Variants in TMEM114 observed in about 807,000 individuals in gnomAD.
The protein encoded by TMEM114 is transmembrane protein 114.
In TMEM114, 6 loss-of-function variants were observed where a neutral mutation model predicts 6.2. The ratio of observed to expected loss-of-function variants is 0.97; its 90% CI spans 0.53 to 1.91. TMEM114 has a LOEUF of 1.91. Among genes scored for constraint, TMEM114 ranks in the 40% most tolerant of loss-of-function variants. The pLI is 0.01. For synonymous variants in TMEM114, 104 were observed against 73.0 expected, an observed-to-expected ratio of 1.42 and a Z score of -2.16; for missense variants, 218 against 158.3, an observed-to-expected ratio of 1.38 and a Z score of -2.02.
chr16:8,533,424 G>A (rs369971620), downstream of TMEM114, among the ~76,000 whole-genome samples: 2 of 152,210 alleles, frequency 1.3e-5, no homozygotes, highest in African/African-American at 4.8e-5. Context: ...CAAGGCCTGT[G>A]TGGATGGAGT....
intron 2 of TMEM114, among the ~76,000 whole-genome samples, chr16:8,559,841 A>G (rs1309285561): frequency 1.3e-5 from 2 of 152,134 alleles, no homozygotes; most frequent in Admixed American, 6.5e-5. Context: ...GCACCAGGAC[A>G]AGGACTGAGA....
intron 2 of TMEM114, among the ~76,000 whole-genome samples, chr16:8,586,017 G>A (rs557929568): frequency 6.6e-6 from 1 of 152,330 alleles, no homozygotes; most frequent in African/African-American, 2.4e-5. Context: ...AACAAGCATG[G>A]TTGTTGCACT....
intron 2 of TMEM114, among the ~76,000 whole-genome samples, chr16:8,554,708 TAAG>T (rs1363706818): frequency 1.3e-5 from 2 of 152,120 alleles, no homozygotes; most frequent in Non-Finnish European, 2.9e-5. Context: ...ATGAGTCAAA[TAAG>T]AATCCTAAAA....
At position 8,562,526 on chromosome 16, in the gene TMEM114, T is replaced by TGAGTGAATGAGTGAATGAGTGAGTGAGTG. The variant is rs1465142445; in HGVS notation, n.213-24701_213-24700insCACTCACTCACTCATTCACTCATTCACTC. Among the ~76,000 whole-genome samples, 507 of 127,250 alleles carry TGAGTGAATGAGTGAATGAGTGAGTGAGTG rather than the reference T, an allele frequency of 4.0e-3. 6 individuals carry two copies. The highest frequency in any genetic ancestry group is 6.9e-3 in the Non-Finnish European group (401 of 58,288). The allele number at this position is 127,250 out of a possible 152,430, so 83.5% of individuals were successfully genotyped here. On this transcript the variant is annotated intron_variant and non_coding_transcript_variant, in intron 2 of 2. Coordinates refer to the TMEM114 transcript ENST00000623677. ...TAAATGAGTGACTGAATGAGTGAGT[T>TGAGTGAATGAGTGAATGAGTGAGTGAGTG]AATGAGTGAGTGAGTGAATGAGTGA...
rs929638188 is a variant in TMEM114, at chr16:8,549,060, C to A, written n.213-11234G>T. 3.3e-5 allele frequency among the ~76,000 whole-genome samples: 5 copies of A among 151,772 alleles called. No homozygotes were observed. In the South Asian group the frequency reaches 1.0e-3, roughly 32 times the overall value. ...AGCCAGACATGGCAGCATGCGCCTG[C>A]AGTCCCAGCTGCTGGGGAGGCTGAG... On this transcript the variant is annotated intron_variant and non_coding_transcript_variant, in intron 2 of 2. Coordinates refer to the TMEM114 transcript ENST00000623677.
At chr16:8,555,615 G>A (rs1456652287) in intron 2 of TMEM114, among the ~76,000 whole-genome samples, 2 of 152,154 alleles carry the variant, frequency 1.3e-5, no homozygotes, top group African/African-American at 2.4e-5. Flanking sequence ...CTGGTCCGGG[G>A]TCCAGTTATA....
intron 3 of TMEM114, 96 bp from the exon 4 acceptor site, chr16:8,570,101 C>G (rs1596308768): frequency 6.9e-7 from 1 of 1,444,630 alleles, no homozygotes; most frequent in East Asian, 2.5e-5. Flanking sequence ...TGCTCAGCGT[C>G]CAGCGTCCTC....
chr16:8,528,414 G>A, the TMEM114 span, among the ~76,000 whole-genome samples: 14 of 152,238 alleles, frequency 9.2e-5, no homozygotes, highest in Admixed American at 7.2e-4. Context: ...ACACTCTGCT[G>A]CCCCTTCTGA....
intron 2 of TMEM114, among the ~76,000 whole-genome samples, chr16:8,558,792 G>A (rs927694962): frequency 6.6e-6 from 1 of 151,752 alleles, no homozygotes; most frequent in Non-Finnish European, 1.5e-5. Context: ...CCAGGCTGGA[G>A]TGCAATGGCA....
chr16:8,558,670 A>G (rs562401696), intron 2 of TMEM114, among the ~76,000 whole-genome samples: 185 of 152,040 alleles, frequency 1.2e-3, no homozygotes, highest in African/African-American at 4.3e-3. Context: ...ACCCACCCTG[A>G]GCATTTCACC....
intron 2 of TMEM114, among the ~76,000 whole-genome samples, chr16:8,573,336 CCT>C (rs1365169048): frequency 6.6e-6 from 1 of 152,198 alleles, no homozygotes; most frequent in Non-Finnish European, 1.5e-5. Context: ...TCTCTTGCCT[CCT>C]CTCTAGTAGG....
chr16:8,536,178 T>C (rs1291157496), downstream of TMEM114, among the ~76,000 whole-genome samples: 1 of 148,846 alleles, frequency 6.7e-6, no homozygotes, highest in Non-Finnish European at 1.5e-5. Context: ...TGAGCCGAGA[T>C]AGCACCACTG....
intron 2 of TMEM114, among the ~76,000 whole-genome samples, chr16:8,580,696 G>A (rs948258048): frequency 5.9e-5 from 9 of 151,482 alleles, no homozygotes; most frequent in African/African-American, 2.2e-4. Flanking sequence ...TACTTTTTTT[G>A]TTGTTTGTTT....
intron 2 of TMEM114, among the ~76,000 whole-genome samples, chr16:8,541,412 T>G (rs1900512796): frequency 6.6e-6 from 1 of 151,718 alleles, no homozygotes; most frequent in Admixed American, 6.6e-5. Flanking sequence ...GGATAATATC[T>G]CAGGATAAAA....
chr16:8,562,526 T>TGAATGAGTGAGTGAGTG (rs1465142445), intron 2 of TMEM114, among the ~76,000 whole-genome samples: 39 of 127,260 alleles, frequency 3.1e-4, no homozygotes, highest in Admixed American at 2.1e-3. Flanking sequence ...ATGAGTGAGT[T>TGAATGAGTGAGTGAGTG]AATGAGTGAG....
intron 2 of TMEM114, among the ~76,000 whole-genome samples, chr16:8,559,199 C>G (rs1015685882): frequency 4.1e-4 from 62 of 152,004 alleles, no homozygotes; most frequent in African/African-American, 1.4e-3. Flanking sequence ...TGCGCCACTA[C>G]GCCCGGATAA....
chr16:8,569,310 G>T (rs982740495), downstream of TMEM114, among the ~76,000 whole-genome samples: 1 of 152,166 alleles, frequency 6.6e-6, no homozygotes, highest in African/African-American at 2.4e-5. Context: ...TGTCATGCCA[G>T]AGTTATTTTA....
intron 2 of TMEM114, among the ~76,000 whole-genome samples, chr16:8,542,269 C>G (rs1431672037): frequency 6.6e-6 from 1 of 152,186 alleles, no homozygotes; most frequent in Non-Finnish European, 1.5e-5. Context: ...TGTCTAGAAC[C>G]TCTACTGAAG....
intron 2 of TMEM114, among the ~76,000 whole-genome samples, chr16:8,584,676 C>A (rs1271003748): frequency 1.3e-5 from 2 of 152,058 alleles, no homozygotes; most frequent in Non-Finnish European, 2.9e-5. Flanking sequence ...AATCCCAGCA[C>A]TTTGGGAGGC....
Sources: gnomAD v4.1 joint callset for allele counts (sites outside exome capture counted in the v4.1 genomes callset) on GRCh38, gnomAD v4.1.1 for gene constraint, MANE v1.5 for transcripts, NCBI Gene and HGNC (gene_info 2026-07-23, HGNC 2026-07-21) for gene names.